The following LRRC8B variants were observed in gnomAD, a reference collection of about 807,000 sequenced individuals.
LRRC8B encodes leucine rich repeat containing 8 VRAC subunit B.
A neutral mutation model predicts 58.8 loss-of-function variants in LRRC8B; 23 were observed. The ratio of observed to expected loss-of-function variants is 0.39; its 90% CI spans 0.28 to 0.55. The LOEUF (loss-of-function observed/expected upper bound fraction) is 0.55, where lower values mean the gene tolerates loss of function less well. Among genes scored for constraint, LRRC8B ranks in the 20% least tolerant of loss-of-function variants. The pLI, the probability that LRRC8B is intolerant of heterozygous loss-of-function variation, is 0.62. For missense variants in LRRC8B, 694 were observed against 936.0 expected, an observed-to-expected ratio of 0.74 and a Z score of 3.37; for synonymous variants, 359 against 374.1, an observed-to-expected ratio of 0.96 and a Z score of 0.47.
intron 1 of LRRC8B, among the ~76,000 whole-genome samples, chr1:89,544,500 A>G (rs889900462): frequency 1.8e-4 from 28 of 152,174 alleles, no homozygotes; most frequent in Non-Finnish European, 7.3e-5. Context: ...AAGTTGAAAA[A>G]TCCTTTTCCT....
intron 1 of LRRC8B, among the ~76,000 whole-genome samples, chr1:89,554,502 G>C (rs1296440290): frequency 6.6e-6 from 1 of 152,158 alleles, no homozygotes; most frequent in African/African-American, 2.4e-5. Context: ...ATTTAGGTCT[G>C]AGTGTGACAC....
At chr1:89,555,975 G>A (rs1170713842) in intron 1 of LRRC8B, among the ~76,000 whole-genome samples, 1 of 152,156 alleles carries the variant, frequency 6.6e-6, no homozygotes, top group African/African-American at 2.4e-5. Flanking sequence ...CCATACCTAA[G>A]TTTGTTCTAA....
At chr1:89,568,722 T>C (rs1470555005) in intron 3 of LRRC8B, among the ~76,000 whole-genome samples, 1 of 152,168 alleles carries the variant, frequency 6.6e-6, no homozygotes, top group Non-Finnish European at 1.5e-5. Flanking sequence ...GGATTTTGTA[T>C]GCAGGAAAAT....
chr1:89,543,054 C>A (rs1213241330), intron 1 of LRRC8B, among the ~76,000 whole-genome samples: 1 of 152,148 alleles, frequency 6.6e-6, no homozygotes, highest in Non-Finnish European at 1.5e-5. Context: ...AGTTGTTGAT[C>A]TAATAAAAGC....
chr1:89,592,751 C>CT lies in LRRC8B; in HGVS notation c.2140-14dup, dbSNP rs1169172362. On this transcript the variant is annotated intron_variant, in intron 5 of 5. Transcript: ENST00000330947. ...CACCAAAAACCTATTTTACCAGCTT[C>CT]TTTTTTCTTCCCTTTCCAGATTGAG... is the stretch of plus-strand genomic sequence containing the variant. 2.3e-5 allele frequency: 37 copies of CT among 1,584,946 alleles called. 1 individual carries two copies. The African/African-American group carries it at 3.1e-4, about 13-fold the overall frequency.
At position 89,535,747 on chromosome 1, in the gene LRRC8B, GGTGA is replaced by G. The variant is rs1248214290; in HGVS notation, c.-241+10734_-241+10737del. ...CAGCCGCTTGACTGACAGTCATCTG[GGTGA>G]GTGAGTGACTGGTTTCTAAGAACAA... On this transcript the variant is annotated intron_variant, in intron 1 of 5. Coordinates refer to ENST00000330947, the MANE Select transcript of LRRC8B (RefSeq NM_001369817.2). Among the ~76,000 whole-genome samples the G allele has an allele frequency of 7.9e-5, 12 of 152,152 alleles. No individual in the cohort carries two copies. The East Asian group carries it at 2.3e-3, about 29-fold the overall frequency.
intron 1 of LRRC8B, among the ~76,000 whole-genome samples, chr1:89,548,693 G>A (rs1651587917): frequency 6.6e-6 from 1 of 152,164 alleles, no homozygotes; most frequent in Non-Finnish European, 1.5e-5. Context: ...TGAGATCAGG[G>A]AAGCCAGAAG....
At chr1:89,569,042 A>G (rs1653238620) in intron 3 of LRRC8B, among the ~76,000 whole-genome samples, 1 of 152,208 alleles carries the variant, frequency 6.6e-6, no homozygotes, top group South Asian at 2.1e-4. Flanking sequence ...AGATTGTAGC[A>G]GTGCTTTTAG....
chr1:89,535,022 A>G (rs930823963), intron 1 of LRRC8B, among the ~76,000 whole-genome samples: 4 of 152,100 alleles, frequency 2.6e-5, no homozygotes, highest in African/African-American at 9.7e-5. Flanking sequence ...ATGCACCATA[A>G]GTGGACTCCT....
intron 3 of LRRC8B, among the ~76,000 whole-genome samples, chr1:89,577,564 A>G (rs1653941094): frequency 1.3e-5 from 2 of 152,228 alleles, no homozygotes; most frequent in South Asian, 4.1e-4. Flanking sequence ...TCCTGGACAG[A>G]CAGTATTAAA....
chr1:89,569,633 A>G (rs1653298355), intron 3 of LRRC8B, among the ~76,000 whole-genome samples: 1 of 152,160 alleles, frequency 6.6e-6, no homozygotes, highest in Admixed American at 6.6e-5. Flanking sequence ...TGCTGCAAAG[A>G]ACATGATTTC....
chr1:89,583,133 T>C lies in LRRC8B; in HGVS notation c.483T>C (p.Asp161=). The C allele has an allele frequency of 6.2e-7, 1 of 1,614,166 alleles. No individual in the cohort carries two copies. The highest frequency in any genetic ancestry group is 2.2e-5 in the East Asian group (1 of 44,882). The change falls in exon 5 of 6, where the codon GAT becomes GAC. Residue 161 remains aspartate, a synonymous_variant. Coordinates refer to ENST00000330947, the MANE Select transcript of LRRC8B (RefSeq NM_001369817.2). The surrounding 1 kb of genome is among the most constrained non-coding windows in gnomAD (Gnocchi z 5.2). ...HFVAILHKCF[D]SPWTTRALSE... is the part of the protein sequence containing the mutation. ...TGGCCATCCTTCACAAGTGCTTCGATTCTCCATGGACCACCCGCGCCCTTT... is the reference window on the plus strand; with the variant it reads ...TGGCCATCCTTCACAAGTGCTTCGACTCTCCATGGACCACCCGCGCCCTTT...
intron 1 of LRRC8B, among the ~76,000 whole-genome samples, chr1:89,548,192 A>C (rs1651549951): frequency 6.6e-6 from 1 of 152,242 alleles, no homozygotes; most frequent in South Asian, 2.1e-4. Flanking sequence ...TTTCTAGCAT[A>C]TATTTAGACA....
rs1010410374 is a variant in LRRC8B, at chr1:89,593,149, CG to C, written c.*108del. 109 of 1,154,290 alleles carry C rather than the reference CG, an allele frequency of 9.4e-5. No individual in the cohort carries two copies. In the African/African-American group the frequency reaches 1.5e-3, roughly 16 times the overall value. 71.5% of individuals were successfully genotyped at this position (1,154,290 alleles called of 1,614,324 possible). A position where few individuals can be genotyped will look rare whatever the true frequency, so the allele number is the denominator to read the frequency against. On this transcript the variant is annotated 3_prime_UTR_variant, in exon 6 of 6. Coordinates refer to ENST00000330947, the MANE Select transcript of LRRC8B (RefSeq NM_001369817.2). ...CAGCACTTTGGGAGGCCAAGATGGG[CG>C]GATTGCTTGAGGTCAGGAGTTCGAG...
intron 1 of LRRC8B, among the ~76,000 whole-genome samples, chr1:89,557,956 A>G (rs1226402017): frequency 1.3e-5 from 2 of 152,232 alleles, no homozygotes; most frequent in Non-Finnish European, 1.5e-5. Flanking sequence ...CAGTAAGTCA[A>G]GAAAACTTCT....
In LRRC8B at chr1:89,596,037, A is replaced by C. The variant is rs1399213133; in HGVS notation, c.*2994A>C. 1 of 152,058 alleles carries C rather than the reference A, an allele frequency of 6.6e-6. No homozygotes were observed. The highest frequency in any genetic ancestry group is 2.4e-5 in the African/African-American group (1 of 41,436). 9.4% of individuals were successfully genotyped at this position (152,058 alleles called of 1,614,324 possible). The stretch of plus-strand genomic sequence containing the variant: ...CTTCATATATGCAAATTATAGCATT[A>C]GTTTTTGATATATCTAGTGGTTTTT... On this transcript the variant is annotated 3_prime_UTR_variant, in exon 6 of 6. Transcript: ENST00000330947.
At chr1:89,538,073 C>G (rs994265149) in intron 1 of LRRC8B, among the ~76,000 whole-genome samples, 5 of 152,116 alleles carry the variant, frequency 3.3e-5, no homozygotes, top group Admixed American at 6.5e-5. Flanking sequence ...GGCTCCTTGT[C>G]CTGTTTACTC....
rs1393499839 is a variant in LRRC8B at position 89,593,149 on chromosome 1, C to T, written c.*106C>T. The stretch of plus-strand genomic sequence containing the variant: ...CAGCACTTTGGGAGGCCAAGATGGG[C>T]GGATTGCTTGAGGTCAGGAGTTCGA... On this transcript the variant is annotated 3_prime_UTR_variant, in exon 6 of 6. Coordinates refer to ENST00000330947, the MANE Select transcript of LRRC8B (RefSeq NM_001369817.2). 13 of 1,154,172 alleles carry T rather than the reference C, an allele frequency of 1.1e-5. No individual in the cohort carries two copies. The highest frequency in any genetic ancestry group is 6.5e-5 in the Admixed American group (3 of 46,184). 71.5% of individuals were successfully genotyped at this position (1,154,172 alleles called of 1,614,324 possible). A position where few individuals can be genotyped will look rare whatever the true frequency, so the allele number is the denominator to read the frequency against.
intron 1 of LRRC8B, among the ~76,000 whole-genome samples, chr1:89,538,395 A>G (rs994192953): frequency 3.9e-5 from 6 of 152,202 alleles, no homozygotes; most frequent in African/African-American, 1.4e-4. Context: ...GAACCAGTAG[A>G]CAGGAGAGAA....
Sources: allele counts gnomAD v4.1 joint callset (sites outside exome capture counted in the v4.1 genomes callset), GRCh38; gene constraint gnomAD v4.1.1; non-coding constraint Gnocchi (gnomAD v3.1); transcripts MANE v1.5; gene names NCBI Gene and HGNC (gene_info 2026-07-23, HGNC 2026-07-21).